Variants in ZNF442 observed in about 807,000 individuals in gnomAD.
The protein encoded by ZNF442 is zinc finger protein 442.
ZNF442 carries 45 observed loss-of-function variants against 57.0 expected under a neutral mutation model. The observed-to-expected ratio is 0.79, with a 90% CI of 0.62 to 1.01. The LOEUF is 1.01. ZNF442 is among the 50% of genes least tolerant of loss of function. The pLI is 0.00. For missense variants in ZNF442, 690 were observed against 756.5 expected (o/e 0.91, Z 1.03); for synonymous variants, 213 against 241.8 (o/e 0.88, Z 1.10).
rs907201577 is a variant in ZNF442 at position 12,350,442 on chromosome 19, C to A, written c.1143G>T (p.Gln381His). ...HTGEKPYECK[Q>H]CGKALSHHSS... The stretch of plus-strand genomic sequence containing the variant: ...AGTGATGAGATAACGCTTTCCCACA[C>A]TGCTTGCATTCATAGGGTTTCTCTC... Residue 381 changes from glutamine (Q) to histidine (H), a missense_variant, in exon 6 of 6, where the codon CAG becomes CAT. Physicochemically the swap from Gln to His is conservative, Grantham distance 24. Transcript: ENST00000242804. The A allele has an allele frequency of 8.7e-6, 14 of 1,613,016 alleles. No individual in the cohort carries two copies. In the African/African-American group the frequency reaches 1.2e-4, roughly 14 times the overall value.
the ZNF442 span, among the ~76,000 whole-genome samples, chr19:12,373,209 TTCA>T: frequency 2.0e-5 from 3 of 152,170 alleles, no homozygotes; most frequent in Non-Finnish European, 4.4e-5. Flanking sequence ...CTTACATCAT[TTCA>T]TCAGGAAACA....
intron 3 of ZNF442, among the ~76,000 whole-genome samples, chr19:12,361,767 C>A (rs563681667): frequency 2.7e-5 from 4 of 149,084 alleles, no homozygotes; most frequent in South Asian, 2.1e-4. Flanking sequence ...CCTCTGATGC[C>A]GAGCGGAGGC....
At chr19:12,355,148 G>A (rs370315044) in intron 3 of ZNF442, among the ~76,000 whole-genome samples, 29 of 151,582 alleles carry the variant, frequency 1.9e-4, no homozygotes, top group African/African-American at 6.0e-4. Context: ...AAAACTAGCC[G>A]GGCGTGGTGG....
chr19:12,360,458 A>G lies in ZNF442; in HGVS notation c.78+3096T>C, dbSNP rs150708433. 2.2e-4 allele frequency among the ~76,000 whole-genome samples: 34 copies of G among 152,360 alleles called. 1 individual carries two copies. In the East Asian group the frequency reaches 6.4e-3, roughly 28 times the overall value. ...AATAACCTCCCTTTGCAGGCTCCAG[A>G]CTGGCCTCAACTGGGAGTCACCGGC... On this transcript the variant is annotated intron_variant, in intron 3 of 5. Coordinates refer to ENST00000242804, the MANE Select transcript of ZNF442 (RefSeq NM_030824.3).
chr19:12,356,018 CAAAGA>C (rs1049611155), intron 3 of ZNF442, among the ~76,000 whole-genome samples: 2 of 151,314 alleles, frequency 1.3e-5, no homozygotes, highest in African/African-American at 4.9e-5. Flanking sequence ...CCTCCCAAAA[CAAAGA>C]AAAGAAAGTA....
intron 3 of ZNF442, among the ~76,000 whole-genome samples, chr19:12,357,542 G>A (rs537327834): frequency 3.3e-5 from 5 of 151,654 alleles, no homozygotes; most frequent in South Asian, 2.1e-4. Context: ...TAGTAAAGAC[G>A]GGGTTTCGCC....
rs1969143484 is a variant in ZNF442 at position 12,347,114 on chromosome 19, C to T, written c.*2587G>A. The T allele has an allele frequency of 6.6e-6, 1 of 152,180 alleles. No individual in the cohort carries two copies. The highest frequency in any genetic ancestry group is 1.5e-5 in the Non-Finnish European group (1 of 68,040). The allele number at this position is 152,180 out of a possible 1,614,324, so 9.4% of individuals were successfully genotyped here. On this transcript the variant is annotated 3_prime_UTR_variant, in exon 6 of 6. Coordinates refer to ENST00000242804, the MANE Select transcript of ZNF442 (RefSeq NM_030824.3). ...TGGTAGTTCAAAGGGTAACACTGCC[C>T]TCTAGGCAACATCGTGGAGGTCTAT...
Position 12,346,661 on chromosome 19 carries a change from T to C in ZNF442, c.*3040A>G, listed in dbSNP as rs956509481. On this transcript the variant is annotated 3_prime_UTR_variant, in exon 6 of 6. Transcript: ENST00000242804. Reference sequence around the variant, plus strand: ...ACATACCACATCCACAGCAGCCTTATTGATAGCAGTCAAATTATTACTGTG... The same window carrying C: ...ACATACCACATCCACAGCAGCCTTACTGATAGCAGTCAAATTATTACTGTG... 6.6e-6 allele frequency: 1 copy of C among 152,332 alleles called. No homozygotes were observed. The highest frequency in any genetic ancestry group is 1.5e-5 in the Non-Finnish European group (1 of 68,026). 9.4% of individuals were successfully genotyped at this position (152,332 alleles called of 1,614,324 possible). A position where few individuals can be genotyped will look rare whatever the true frequency, so the allele number is the denominator to read the frequency against.
At chr19:12,373,190 C>T in the ZNF442 span, among the ~76,000 whole-genome samples, 1 of 152,132 alleles carries the variant, frequency 6.6e-6, no homozygotes, top group Non-Finnish European at 1.5e-5. Flanking sequence ...ACACTTACGT[C>T]AATTGACACT....
At chr19:12,357,963 CTTTT>C (rs796855751) in intron 3 of ZNF442, among the ~76,000 whole-genome samples, 2 of 135,924 alleles carry the variant, frequency 1.5e-5, no homozygotes, top group Admixed American at 7.4e-5. Context: ...ATTTGCCCAC[CTTTT>C]TTTTTTTTTT....
In ZNF442 at chr19:12,365,564, T is replaced by C; in HGVS notation, c.-514A>G. On this transcript the variant is annotated 5_prime_UTR_variant, in exon 1 of 6. Coordinates refer to ENST00000242804, the MANE Select transcript of ZNF442 (RefSeq NM_030824.3). ...CCGGCTTCCGCGGTGTCCCGTGTTC[T>C]CCCCAAGGTTCCCCGCTGCCAGCAT... is the stretch of plus-strand genomic sequence containing the variant. The C allele has an allele frequency of 2.3e-6, 1 of 436,886 alleles. No individual in the cohort carries two copies. Among genetic ancestry groups the C allele is most frequent in the Non-Finnish European group, 4.2e-6 (1 of 236,966 alleles). The allele number at this position is 436,886 out of a possible 1,614,324, so 27.1% of individuals were successfully genotyped here.
At chr19:12,356,380 C>T (rs1336199844) in intron 3 of ZNF442, among the ~76,000 whole-genome samples, 1 of 152,142 alleles carries the variant, frequency 6.6e-6, no homozygotes, top group African/African-American at 2.4e-5. Context: ...GTAATTCTAG[C>T]ACTTTGGGAG....
intron 3 of ZNF442, among the ~76,000 whole-genome samples, chr19:12,360,564 T>C (rs1299853544): frequency 6.6e-6 from 1 of 151,174 alleles, no homozygotes; most frequent in African/African-American, 2.4e-5. Flanking sequence ...TATTTATTTA[T>C]TAGTTAGTTT....
At position 12,350,326 on chromosome 19, in the gene ZNF442, A is replaced by C. The variant is rs1207619961; in HGVS notation, c.1259T>G (p.Phe420Cys). ...CGKAFIYPSV[F>C]QGHERTHTGE... ...AGTATGAGTCCTTTCATGTCCTTGA[A>C]ATACACTGGGATAAATGAAGGCTTT... The change falls in exon 6 of 6, where the codon TTT becomes TGT. Residue 420 changes from phenylalanine to cysteine, a missense_variant. Coordinates refer to ENST00000242804, the MANE Select transcript of ZNF442 (RefSeq NM_030824.3). 1.9e-6 allele frequency: 3 copies of C among 1,613,920 alleles called. No homozygotes were observed. In the South Asian group the frequency reaches 3.3e-5, roughly 18 times the overall value.
chr19:12,350,225 T>C lies in ZNF442; in HGVS notation c.1360A>G (p.Thr454Ala). The C allele has an allele frequency of 1.2e-6, 2 of 1,613,864 alleles. No individual in the cohort carries two copies. The highest frequency in any genetic ancestry group is 1.7e-6 in the Non-Finnish European group (2 of 1,179,998). ...ISSSLRRHET[T>A]HTGEKPYKCK... ...TTATAGGGTTTCTCTCCAGTGTGAG[T>C]TGTTTCATGTCTTCGAAGGGAACTA... Residue 454 changes from threonine to alanine, a missense_variant, in exon 6 of 6, where the codon ACT becomes GCT. Coordinates refer to ENST00000242804, the MANE Select transcript of ZNF442 (RefSeq NM_030824.3).
In ZNF442 at chr19:12,351,137, C is replaced by T; in HGVS notation, c.448G>A (p.Glu150Lys). ...HKPDECQEYG[E>K]KPHTHKQCGT... ...CATTGTTTATGTGTATGTGGCTTCT[C>T]TCCATATTCCTGACACTCATCTGGT... The change falls in exon 6 of 6, where the codon GAG (glutamate) becomes AAG (lysine). Residue 150 changes from glutamate (E) to lysine (K), a missense_variant. Glu to Lys is a moderately conservative substitution (Grantham distance 56, BLOSUM62 1). Transcript: ENST00000242804. The T allele has an allele frequency of 1.9e-6, 3 of 1,614,134 alleles. No homozygotes were observed. The highest frequency in any genetic ancestry group is 2.5e-6 in the Non-Finnish European group (3 of 1,180,020).
chr19:12,348,699 A>T lies in ZNF442; in HGVS notation c.*1002T>A, dbSNP rs1048430880. ...AAGATTCAAGTGAGCCTGATGTCTC[A>T]CTGTTTATCTACAGTGCCACCCATC... is the stretch of plus-strand genomic sequence containing the variant. On this transcript the variant is annotated 3_prime_UTR_variant, in exon 6 of 6. Coordinates refer to ENST00000242804, the MANE Select transcript of ZNF442 (RefSeq NM_030824.3). 2.0e-5 allele frequency: 3 copies of T among 152,098 alleles called. No individual in the cohort carries two copies. The highest frequency in any genetic ancestry group is 4.4e-5 in the Non-Finnish European group (3 of 68,010). 9.4% of individuals were successfully genotyped at this position (152,098 alleles called of 1,614,324 possible). A position where few individuals can be genotyped will look rare whatever the true frequency, so the allele number is the denominator to read the frequency against.
chr19:12,372,165 T>C, the ZNF442 span, among the ~76,000 whole-genome samples: 85 of 152,086 alleles, frequency 5.6e-4, no homozygotes, highest in Middle Eastern at 0.017. Context: ...AAAGAAGACA[T>C]ACATGCAGAG....
intron 3 of ZNF442, among the ~76,000 whole-genome samples, chr19:12,361,200 A>G (rs1014501818): frequency 1.1e-4 from 16 of 152,338 alleles, no homozygotes; most frequent in African/African-American, 3.8e-4. Flanking sequence ...TCAAAAAAAT[A>G]AAAAATAAAT....
Sources: allele counts gnomAD v4.1 joint callset (sites outside exome capture counted in the v4.1 genomes callset), GRCh38; gene constraint gnomAD v4.1.1; transcripts MANE v1.5; gene names NCBI Gene and HGNC (gene_info 2026-07-23, HGNC 2026-07-21).